MARCHF1: variants seen among roughly 807,000 people sequenced by gnomAD.
The protein encoded by MARCHF1 is membrane associated ring-CH-type finger 1, also known as E3 ubiquitin-protein ligase MARCHF1.
Under a neutral mutation model 54.2 loss-of-function variants are expected in MARCHF1, and 40 were observed. The observed-to-expected ratio is 0.74, with a 90% CI of 0.57 to 0.96. MARCHF1 has a LOEUF of 0.96. Ranked by LOEUF, MARCHF1 falls within the 40% of genes least tolerant of loss-of-function variation. The pLI is 0.00. For missense variants in MARCHF1, 586 were observed against 656.5 expected, an observed-to-expected ratio of 0.89 and a Z score of 1.17; for synonymous variants, 236 against 236.3, an observed-to-expected ratio of 1.00 and a Z score of 0.01.
chr4:163,994,257 A>AGTGTGTGT (rs769035806), intron 2 of MARCHF1, among the ~76,000 whole-genome samples: 7,800 of 136,996 alleles, frequency 0.057, 304 homozygotes, highest in Admixed American at 0.11. Flanking sequence ...ATAGAGAAAA[A>AGTGTGTGT]GTGTGTGTGT....
At chr4:163,841,892 ATATC>A in intron 4 of MARCHF1, among the ~76,000 whole-genome samples, 1 of 152,216 alleles carries the variant, frequency 6.6e-6, no homozygotes, top group South Asian at 2.1e-4. Flanking sequence ...CTAAGTTCTC[ATATC>A]AGCATTTGAG....
intron 8 of MARCHF1, among the ~76,000 whole-genome samples, chr4:163,547,983 G>A (rs1738966916): frequency 6.6e-6 from 1 of 152,024 alleles, no homozygotes. Context: ...ATGTGATTAA[G>A]GAATAAACAG....
In MARCHF1 at chr4:164,008,610, A is replaced by T. The variant is rs116383716; in HGVS notation, c.-247-19901T>A. Among the ~76,000 whole-genome samples, 482 of 152,254 alleles carry T rather than the reference A, an allele frequency of 3.2e-3. 3 individuals carry two copies. Among genetic ancestry groups the T allele is most frequent in the African/African-American group, 0.011 (464 of 41,586 alleles). On this transcript the variant is annotated intron_variant, in intron 2 of 9. Transcript: ENST00000514618. ...AAAATACAAGTCTGAACAAATAAAA[A>T]AAAGGCAGAAATCATGTCAACTATC... is the stretch of plus-strand genomic sequence containing the variant.
At chr4:164,143,995 A>T (rs1230500674) in intron 1 of MARCHF1, among the ~76,000 whole-genome samples, 1 of 152,206 alleles carries the variant, frequency 6.6e-6, no homozygotes, top group Non-Finnish European at 1.5e-5. Flanking sequence ...AAGCAAATGG[A>T]AAACAAAAAG....
chr4:163,900,263 T>C (rs1386978353), intron 3 of MARCHF1, among the ~76,000 whole-genome samples: 1 of 152,204 alleles, frequency 6.6e-6, no homozygotes, highest in East Asian at 1.9e-4. Flanking sequence ...TGACTGGTAC[T>C]CCGTCAAATT....
intron 3 of MARCHF1, among the ~76,000 whole-genome samples, chr4:163,936,275 T>C (rs1247737158): frequency 1.3e-5 from 2 of 152,142 alleles, no homozygotes; most frequent in African/African-American, 4.8e-5. Flanking sequence ...ATTACCAAAA[T>C]GTAACAGAGA....
At chr4:163,751,133 T>TTGTG (rs70948664) in intron 4 of MARCHF1, among the ~76,000 whole-genome samples, 248 of 147,382 alleles carry the variant, frequency 1.7e-3, no homozygotes, top group African/African-American at 4.6e-3. Context: ...TATTACCACT[T>TTGTG]TGTGTGTGTG....
intron 1 of MARCHF1, among the ~76,000 whole-genome samples, chr4:164,261,135 C>T (rs1353622224): frequency 1.3e-5 from 2 of 152,140 alleles, no homozygotes; most frequent in Admixed American, 1.3e-4. Flanking sequence ...AGAAAGAGGA[C>T]TGGAACAGTT....
Position 163,700,734 on chromosome 4 carries a change from T to C in MARCHF1, c.162+79A>G, listed in dbSNP as rs1744786033. On this transcript the variant is annotated intron_variant, in intron 5 of 9. Coordinates refer to ENST00000514618, the MANE Select transcript of MARCHF1 (RefSeq NM_001394959.1). Reference sequence around the variant, plus strand: ...GTGTTCTGCTCACAGATAACAATTATAGGTTAAACATTATAAACATTTATG... The same window carrying C: ...GTGTTCTGCTCACAGATAACAATTACAGGTTAAACATTATAAACATTTATG... The C allele has an allele frequency of 1.2e-5, 13 of 1,069,280 alleles. 1 individual carries two copies. The South Asian group carries it at 1.6e-4, about 13-fold the overall frequency. 66.2% of individuals were successfully genotyped at this position (1,069,280 alleles called of 1,614,324 possible).
At chr4:164,251,403 T>C (rs955021523) in intron 1 of MARCHF1, among the ~76,000 whole-genome samples, 22 of 152,154 alleles carry the variant, frequency 1.4e-4, no homozygotes, top group African/African-American at 5.3e-4. Context: ...TGCTTGCGTG[T>C]AATGAAATAT....
intron 5 of MARCHF1, among the ~76,000 whole-genome samples, chr4:163,618,939 G>A (rs977382689): frequency 1.8e-5 from 1 of 57,006 alleles, no homozygotes; most frequent in African/African-American, 4.6e-5. Context: ...GCTTCCCAGA[G>A]AAGGAGACGC....
chr4:163,897,497 G>A (rs539672978), intron 3 of MARCHF1, among the ~76,000 whole-genome samples: 3 of 152,132 alleles, frequency 2.0e-5, no homozygotes, highest in African/African-American at 4.8e-5. Context: ...AACTAAAACA[G>A]CATGGTACAG....
At chr4:163,644,316 C>A (rs1410259307) in intron 5 of MARCHF1, among the ~76,000 whole-genome samples, 1 of 152,016 alleles carries the variant, frequency 6.6e-6, no homozygotes, top group African/African-American at 2.4e-5. Flanking sequence ...CCAGTGGAGC[C>A]CAAGACCTAG....
At chr4:163,667,752 A>C (rs1347743042) in intron 5 of MARCHF1, among the ~76,000 whole-genome samples, 2 of 151,810 alleles carry the variant, frequency 1.3e-5, no homozygotes, top group African/African-American at 4.8e-5. Context: ...CAGCCTCCCG[A>C]GTAACTGGAA....
intron 1 of MARCHF1, among the ~76,000 whole-genome samples, chr4:164,112,590 G>C (rs938030801): frequency 2.6e-5 from 4 of 151,880 alleles, no homozygotes; most frequent in Non-Finnish European, 5.9e-5. Context: ...AATGTACATA[G>C]AGCTAAAGCA....
At chr4:164,213,203 T>TTTTTTATTATTATTATTA (rs1385312781) in intron 1 of MARCHF1, among the ~76,000 whole-genome samples, 2 of 141,782 alleles carry the variant, frequency 1.4e-5, no homozygotes, top group African/African-American at 5.1e-5. Context: ...GGCTTTTACT[T>TTTTTTATTATTATTATTA]TTATTATTAT....
chr4:164,353,758 A>T (rs1262268343), intron 1 of MARCHF1, among the ~76,000 whole-genome samples: 3 of 105,450 alleles, frequency 2.8e-5, no homozygotes, highest in African/African-American at 1.1e-4. Context: ...GAAATAACTA[A>T]AATCAGAGCA....
At chr4:163,572,512 T>C (rs1262843316) in intron 8 of MARCHF1, among the ~76,000 whole-genome samples, 1 of 152,118 alleles carries the variant, frequency 6.6e-6, no homozygotes, top group African/African-American at 2.4e-5. Flanking sequence ...TAGTCAGAAG[T>C]ACTCTTTCCT....
At chr4:164,013,323 A>G (rs1206677387) in intron 2 of MARCHF1, among the ~76,000 whole-genome samples, 2 of 152,196 alleles carry the variant, frequency 1.3e-5, no homozygotes, top group Non-Finnish European at 2.9e-5. Context: ...GAGCTCAAAG[A>G]TAGGTTATAT....
Sources: allele counts gnomAD v4.1 joint callset (sites outside exome capture counted in the v4.1 genomes callset), GRCh38; gene constraint gnomAD v4.1.1; transcripts MANE v1.5; gene names NCBI Gene and HGNC (gene_info 2026-07-23, HGNC 2026-07-21).